The following LRRC37A2 variants were observed in gnomAD, a reference collection of about 807,000 sequenced individuals.
LRRC37A2 encodes leucine rich repeat containing 37 member A2.
In LRRC37A2, 9 loss-of-function variants were observed where a neutral mutation model predicts 68.8. That is an observed-to-expected ratio of 0.13 (90% CI 0.08 to 0.23). LRRC37A2 has a LOEUF of 0.23. LRRC37A2 is among the 10% of genes least tolerant of loss of function. The probability of loss-of-function intolerance (pLI) is 1.00; values close to 1 mark genes in which losing one functional copy is unlikely to be tolerated. For missense variants in LRRC37A2, 168 were observed against 950.4 expected (o/e 0.18, Z 10.82); for synonymous variants, 63 against 367.6 (o/e 0.17, Z 9.48).
chr17:47,017,298 G>C, the LRRC37A2 span: 1 of 1,608,874 alleles, frequency 6.2e-7, no homozygotes, highest in Non-Finnish European at 8.5e-7. Context: ...ACTAGTCAAG[G>C]AGGCTCAGCC....
chr17:46,952,406 A>G, the LRRC37A2 span, among the ~76,000 whole-genome samples: 3 of 152,084 alleles, frequency 2.0e-5, no homozygotes, highest in Non-Finnish European at 4.4e-5. Context: ...TTCCTGACCA[A>G]CATCCATTCC....
the LRRC37A2 span, among the ~76,000 whole-genome samples, chr17:46,746,395 A>G: frequency 6.6e-5 from 10 of 152,356 alleles, no homozygotes; most frequent in East Asian, 1.3e-3. Context: ...GATAAAAACA[A>G]TGAGTAACAT....
chr17:46,533,257 A>T (rs1276179925), intron 6 of LRRC37A2, among the ~76,000 whole-genome samples: 17 of 96,158 alleles, frequency 1.8e-4, no homozygotes, highest in South Asian at 3.6e-4. Context: ...ATCTCTAAAA[A>T]TTTTTTTTAG....
the LRRC37A2 span, among the ~76,000 whole-genome samples, chr17:46,377,581 T>A: frequency 1.9e-5 from 1 of 52,614 alleles, no homozygotes; most frequent in Non-Finnish European, 1.1e-4. Context: ...CTTTTTTTTT[T>A]TTTTTTGAGA....
the LRRC37A2 span, chr17:46,935,150 C>G: frequency 1.9e-6 from 3 of 1,614,050 alleles, no homozygotes; most frequent in Non-Finnish European, 2.5e-6. Context: ...GGACTGAGGA[C>G]CCAGAGACTG....
At chr17:46,883,496 G>GCTGAC in the LRRC37A2 span, among the ~76,000 whole-genome samples, 2 of 151,702 alleles carry the variant, frequency 1.3e-5, no homozygotes, top group Non-Finnish European at 2.9e-5. Flanking sequence ...TGTTGGCCAG[G>GCTGAC]CTGGTCTTGA....
the LRRC37A2 span, among the ~76,000 whole-genome samples, chr17:46,893,978 C>G: frequency 6.6e-6 from 1 of 152,082 alleles, no homozygotes; most frequent in Non-Finnish European, 1.5e-5. Flanking sequence ...GCTGGCTCAC[C>G]CATGGCTTGG....
At chr17:46,606,043 G>A in the LRRC37A2 span, among the ~76,000 whole-genome samples, 3 of 111,610 alleles carry the variant, frequency 2.7e-5, no homozygotes, top group Non-Finnish European at 5.0e-5. Context: ...GCCGGGTGTG[G>A]TGGCGCATGC....
At chr17:46,860,676 T>A in the LRRC37A2 span, among the ~76,000 whole-genome samples, 3,721 of 152,336 alleles carry the variant, frequency 0.024, 153 homozygotes, top group African/African-American at 0.085. Context: ...GTCCCACGTT[T>A]AGAAGAGTCT....
At chr17:46,708,905 A>G in the LRRC37A2 span, among the ~76,000 whole-genome samples, 2 of 144,352 alleles carry the variant, frequency 1.4e-5, no homozygotes, top group Non-Finnish European at 3.0e-5. Context: ...GCTTACTGCA[A>G]CCTCCGCCTC....
chr17:46,939,022 TG>T, the LRRC37A2 span: 1 of 1,306,724 alleles, frequency 7.7e-7, no homozygotes, highest in Non-Finnish European at 9.8e-7. Flanking sequence ...TCGCTCTCAC[TG>T]GGGGAGGGAA....
At chr17:46,812,502 T>C in the LRRC37A2 span, among the ~76,000 whole-genome samples, 1 of 152,106 alleles carries the variant, frequency 6.6e-6, no homozygotes, top group Admixed American at 6.5e-5. Flanking sequence ...GAAGCCTGCC[T>C]CCCCCACCCC....
the LRRC37A2 span, among the ~76,000 whole-genome samples, chr17:46,831,859 G>A: frequency 6.6e-6 from 1 of 152,248 alleles, no homozygotes; most frequent in East Asian, 1.9e-4. Flanking sequence ...GGTCCTGTAT[G>A]CATTGAGTGA....
chr17:46,730,654 C>A, the LRRC37A2 span, among the ~76,000 whole-genome samples: 52 of 152,178 alleles, frequency 3.4e-4, no homozygotes, highest in East Asian at 0.01. Context: ...TTCACAAATA[C>A]CTTATCAACA....
the LRRC37A2 span, chr17:47,027,507 T>C: frequency 1.2e-6 from 1 of 866,084 alleles, no homozygotes; most frequent in Non-Finnish European, 1.9e-6. Flanking sequence ...TTCATACCAA[T>C]CAACATTTAA....
chr17:46,818,795 G>A, the LRRC37A2 span: 3 of 632,038 alleles, frequency 4.7e-6, no homozygotes, highest in Admixed American at 2.6e-5. Context: ...CAGCCAATCA[G>A]CGCCCGCGGC....
chr17:46,856,193 C>T, the LRRC37A2 span, among the ~76,000 whole-genome samples: 4 of 152,208 alleles, frequency 2.6e-5, no homozygotes, highest in Admixed American at 2.6e-4. Context: ...CTGTTGCTAA[C>T]TGTGTGACTT....
the LRRC37A2 span, among the ~76,000 whole-genome samples, chr17:46,801,406 G>A: frequency 1.1e-3 from 162 of 150,166 alleles, no homozygotes; most frequent in African/African-American, 3.8e-3. Context: ...CATCACCTGA[G>A]GTCAGGAGCT....
chr17:46,978,878 G>A, the LRRC37A2 span: 20 of 1,558,908 alleles, frequency 1.3e-5, no homozygotes, highest in South Asian at 1.8e-4. Context: ...GCGGCCAGCG[G>A]TGCGCCCCCT....
Sources: allele counts gnomAD v4.1 joint callset (sites outside exome capture counted in the v4.1 genomes callset), GRCh38; gene constraint gnomAD v4.1.1; transcripts MANE v1.5; gene names NCBI Gene and HGNC (gene_info 2026-07-23, HGNC 2026-07-21).